FAM222B: variants seen among roughly 807,000 people sequenced by gnomAD.
FAM222B encodes protein FAM222B.
A neutral mutation model predicts 38.0 loss-of-function variants in FAM222B; 12 were observed. That is an observed-to-expected ratio of 0.32 (90% CI 0.20 to 0.51). The LOEUF (loss-of-function observed/expected upper bound fraction) is 0.51. FAM222B is among the 20% of genes least tolerant of loss of function. The pLI is 0.97. For synonymous variants in FAM222B, 329 were observed against 317.2 expected, an observed-to-expected ratio of 1.04 and a Z score of -0.40; for missense variants, 716 against 754.2, an observed-to-expected ratio of 0.95 and a Z score of 0.59.
chr17:28,776,856 G>A (rs1463111792), intron 1 of FAM222B, among the ~76,000 whole-genome samples: 1 of 152,034 alleles, frequency 6.6e-6, no homozygotes, highest in Non-Finnish European at 1.5e-5. Flanking sequence ...ACCTAAGGGA[G>A]ACACCAAAAT....
At chr17:28,761,355 T>C (rs190243519) in intron 2 of FAM222B, among the ~76,000 whole-genome samples, 1 of 152,346 alleles carries the variant, frequency 6.6e-6, no homozygotes, top group East Asian at 1.9e-4. Flanking sequence ...AAATGCTTGC[T>C]GAATGAGTAC....
intron 1 of FAM222B, among the ~76,000 whole-genome samples, chr17:28,816,353 CT>C (rs1350522810): frequency 6.6e-6 from 1 of 152,092 alleles, no homozygotes; most frequent in Non-Finnish European, 1.5e-5. Context: ...ATTTTATCAT[CT>C]TTAAACTATG....
chr17:28,815,584 C>G (rs1026577961), intron 1 of FAM222B, among the ~76,000 whole-genome samples: 2 of 152,084 alleles, frequency 1.3e-5, no homozygotes, highest in Non-Finnish European at 2.9e-5. Context: ...CCCAGCACTT[C>G]GGGAGGTCAG....
intron 1 of FAM222B, among the ~76,000 whole-genome samples, chr17:28,807,163 G>C (rs887482692): frequency 1.3e-5 from 2 of 151,676 alleles, no homozygotes; most frequent in African/African-American, 2.4e-5. Context: ...TTATAGGCAC[G>C]CACCACCACA....
At chr17:28,762,626 CAAAAA>C (rs10618524) in intron 2 of FAM222B, among the ~76,000 whole-genome samples, 1 of 48,156 alleles carries the variant, frequency 2.1e-5, no homozygotes, top group Non-Finnish European at 3.8e-5. Context: ...GACTCCATCT[CAAAAA>C]AAAAAAAAAA....
At chr17:28,854,203 A>C (rs2039207133) in intron 1 of FAM222B, among the ~76,000 whole-genome samples, 1 of 152,126 alleles carries the variant, frequency 6.6e-6, no homozygotes, top group African/African-American at 2.4e-5. Flanking sequence ...TCGGCCTCCC[A>C]AAGTGCTGGG....
chr17:28,787,448 T>TACA (rs2036466810), intron 1 of FAM222B, among the ~76,000 whole-genome samples: 1 of 152,312 alleles, frequency 6.6e-6, no homozygotes, highest in South Asian at 2.1e-4. Flanking sequence ...TCAAAGCACT[T>TACA]ACATTGCTTG....
At chr17:28,806,951 T>C (rs1296006445) in intron 1 of FAM222B, among the ~76,000 whole-genome samples, 2 of 152,136 alleles carry the variant, frequency 1.3e-5, no homozygotes, top group Non-Finnish European at 2.9e-5. Context: ...AGAGAAATGC[T>C]GAGACCGATG....
intron 1 of FAM222B, among the ~76,000 whole-genome samples, chr17:28,801,408 C>G (rs1269101985): frequency 3.5e-5 from 5 of 141,834 alleles, no homozygotes; most frequent in Non-Finnish European, 7.5e-5. Context: ...GAGCCAAGAT[C>G]ATGCCACTGC....
chr17:28,844,888 G>A (rs930827038), upstream of FAM222B, among the ~76,000 whole-genome samples: 3 of 151,584 alleles, frequency 2.0e-5, no homozygotes, highest in Non-Finnish European at 4.4e-5. Context: ...ATCACTTGAA[G>A]CCAGGAATTC....
chr17:28,770,365 T>G (rs145166376), intron 1 of FAM222B, among the ~76,000 whole-genome samples: 1 of 152,218 alleles, frequency 6.6e-6, no homozygotes, highest in Non-Finnish European at 1.5e-5. Context: ...AAACCTAGAT[T>G]TGACTTTTCC....
rs767748553 is a variant in FAM222B, at chr17:28,758,439, T to C, written c.1520A>G (p.Gln507Arg). 10 of 1,613,906 alleles carry C rather than the reference T, an allele frequency of 6.2e-6. No homozygotes were observed. Among genetic ancestry groups the C allele is most frequent in the Middle Eastern group, 1.6e-4 (1 of 6,062 alleles). ...ATCCACTGTTTGCATCAAGCTGTTC[T>C]GGCTTGCCACTGGACCGCCCCCGGT... is the stretch of plus-strand genomic sequence containing the variant. ...AGTGGGPVAS[Q>R]NSLMQTVDYL... The change falls in exon 3 of 3, where the codon CAG (glutamine) becomes CGG (arginine). Residue 507 changes from glutamine to arginine, a missense_variant. Physicochemically the swap from Gln to Arg is conservative, Grantham distance 43. Transcript: ENST00000581407.
chr17:28,778,677 T>TGTGTG (rs2036009086), intron 1 of FAM222B, among the ~76,000 whole-genome samples: 1 of 89,924 alleles, frequency 1.1e-5, no homozygotes, highest in South Asian at 4.8e-4. Flanking sequence ...CTAATTTTTT[T>TGTGTG]TTTGTGTGTG....
chr17:28,817,361 C>T (rs1035024710), intron 1 of FAM222B, among the ~76,000 whole-genome samples: 10 of 150,430 alleles, frequency 6.6e-5, no homozygotes, highest in Non-Finnish European at 1.5e-5. Context: ...TGCAGTGAGC[C>T]GATATCGCAC....
At chr17:28,811,005 A>C (rs1313022440) in intron 1 of FAM222B, among the ~76,000 whole-genome samples, 1 of 152,172 alleles carries the variant, frequency 6.6e-6, no homozygotes, top group Non-Finnish European at 1.5e-5. Flanking sequence ...GGGAAACTGA[A>C]CCTGTATTAC....
chr17:28,818,845 A>G (rs561215450), intron 1 of FAM222B, among the ~76,000 whole-genome samples: 10 of 152,354 alleles, frequency 6.6e-5, no homozygotes, highest in South Asian at 6.2e-4. Context: ...TTTCACACAC[A>G]TAGACAAAAT....
chr17:28,766,561 G>A (rs1233250824), intron 2 of FAM222B, 25 bp downstream of exon 2: 1 of 1,563,502 alleles, frequency 6.4e-7, no homozygotes, highest in Non-Finnish European at 8.7e-7. Context: ...AATCACACAT[G>A]CTCCATAGGA....
chr17:28,824,890 C>T (rs1371946001), intron 1 of FAM222B, among the ~76,000 whole-genome samples: 2 of 152,084 alleles, frequency 1.3e-5, no homozygotes, highest in African/African-American at 2.4e-5. Context: ...CTCAGCCTCC[C>T]GAGTAGCTGG....
At chr17:28,832,606 T>C (rs1194235537) in intron 1 of FAM222B, among the ~76,000 whole-genome samples, 2 of 152,174 alleles carry the variant, frequency 1.3e-5, no homozygotes, top group African/African-American at 4.8e-5. Context: ...CATATTTCCA[T>C]TACACCCTAA....
Sources: gnomAD v4.1 joint callset for allele counts (sites outside exome capture counted in the v4.1 genomes callset) on GRCh38, gnomAD v4.1.1 for gene constraint, MANE v1.5 for transcripts, NCBI Gene and HGNC (gene_info 2026-07-23, HGNC 2026-07-21) for gene names.